Variants in ADAM7 observed in about 807,000 individuals in gnomAD.
ADAM7 encodes the protein disintegrin and metalloproteinase domain-containing protein 7.
Under a neutral mutation model 102.9 loss-of-function variants are expected in ADAM7, and 97 were observed. The observed-to-expected ratio is 0.94, with a 90% CI of 0.80 to 1.12. The LOEUF (loss-of-function observed/expected upper bound fraction) is 1.12. Among genes scored for constraint, ADAM7 ranks in the 50% most tolerant of loss-of-function variants. The pLI is 0.00. For synonymous variants in ADAM7, 334 were observed against 304.4 expected (o/e 1.10, Z -1.01); for missense variants, 991 against 908.7 (o/e 1.09, Z -1.16).
chr8:24,508,591 G>A lies in ADAM7; in HGVS notation c.*45G>A, dbSNP rs1278274553. On this transcript the variant is annotated 3_prime_UTR_variant, in exon 22 of 22. Transcript: ENST00000175238. Reference sequence around the variant, plus strand: ...AAATGGCCGTGCAAGCTTAGGCTGGGGATTCTGGATGCAACGTCTTTACAA... The same window carrying A: ...AAATGGCCGTGCAAGCTTAGGCTGGAGATTCTGGATGCAACGTCTTTACAA... 1 of 1,612,540 alleles carries A rather than the reference G, an allele frequency of 6.2e-7. No individual in the cohort carries two copies. The highest frequency in any genetic ancestry group is 8.5e-7 in the Non-Finnish European group (1 of 1,179,152).
chr8:24,463,512 C>T (rs781566165), intron 3 of ADAM7, among the ~76,000 whole-genome samples: 12 of 152,060 alleles, frequency 7.9e-5, no homozygotes, highest in East Asian at 1.9e-4. Context: ...AAGACGTACT[C>T]GCCACATATA....
chr8:24,463,686 A>G (rs889040775), intron 3 of ADAM7, among the ~76,000 whole-genome samples, 196 bp from the exon 4 acceptor site: 1 of 152,148 alleles, frequency 6.6e-6, no homozygotes, highest in African/African-American at 2.4e-5. Context: ...GCTTCTCTAC[A>G]GTCTTTATGA....
rs1055446736 is a variant in ADAM7, at chr8:24,476,334, G to A, written c.634-99G>A. ...AGTTCTCTTTCTTCATTAGGCCAAT[G>A]ATTTTTTTCTTTGTAATAGCTGATG... On this transcript the variant is annotated intron_variant, in intron 7 of 21. Transcript: ENST00000175238. The A allele has an allele frequency of 3.6e-5, 29 of 802,722 alleles. No homozygotes were observed. The African/African-American group carries it at 3.7e-4, about 10-fold the overall frequency. 49.7% of individuals were successfully genotyped at this position (802,722 alleles called of 1,614,324 possible). A position where few individuals can be genotyped will look rare whatever the true frequency, so the allele number is the denominator to read the frequency against.
chr8:24,447,155 T>TG, intron 2 of ADAM7, 31 bp from the exon 3 acceptor site: 1 of 1,340,392 alleles, frequency 7.5e-7, no homozygotes, highest in Non-Finnish European at 1.0e-6. Flanking sequence ...TGAGCCCATG[T>TG]TGAAGTCACG....
intron 7 of ADAM7, among the ~76,000 whole-genome samples, chr8:24,470,947 C>T (rs996203250): frequency 7.2e-5 from 11 of 151,876 alleles, no homozygotes; most frequent in African/African-American, 1.9e-4. Flanking sequence ...TCAGAGGAGG[C>T]GGCAGCTGTA....
rs370341466 is a variant in ADAM7, at chr8:24,447,271, T to C, written c.233+9T>C. 2.7e-6 allele frequency: 4 copies of C among 1,472,664 alleles called. No individual in the cohort carries two copies. The African/African-American group carries it at 5.7e-5, about 21-fold the overall frequency. 91.2% of individuals were successfully genotyped at this position (1,472,664 alleles called of 1,614,324 possible). A position where few individuals can be genotyped will look rare whatever the true frequency, so the allele number is the denominator to read the frequency against. On this transcript the variant is annotated intron_variant, in intron 3 of 21. Coordinates refer to ENST00000175238, the MANE Select transcript of ADAM7 (RefSeq NM_003817.4). Reference sequence around the variant, plus strand: ...CATCTTCTAAGATCCAGGTAAGTTCTATTGTGATTCCAGTACCTTATAGAT... The same window carrying C: ...CATCTTCTAAGATCCAGGTAAGTTCCATTGTGATTCCAGTACCTTATAGAT...
chr8:24,442,052 T>G (rs1026047896), intron 1 of ADAM7, among the ~76,000 whole-genome samples: 1 of 152,126 alleles, frequency 6.6e-6, no homozygotes, highest in Admixed American at 6.5e-5. Flanking sequence ...TGTGCACTTG[T>G]AATCCCAGCT....
chr8:24,454,453 G>A (rs570503531), intron 3 of ADAM7, among the ~76,000 whole-genome samples: 115 of 152,280 alleles, frequency 7.6e-4, no homozygotes, highest in African/African-American at 2.7e-3. Flanking sequence ...AAGACCCTCC[G>A]AGCCAGGTGC....
At position 24,495,420 on chromosome 8, in the gene ADAM7, A is replaced by G. The variant is rs916795560; in HGVS notation, c.1842+2191A>G. 6.6e-5 allele frequency among the ~76,000 whole-genome samples: 10 copies of G among 152,220 alleles called. No individual in the cohort carries two copies. The East Asian group carries it at 1.9e-3, about 29-fold the overall frequency. Reference sequence around the variant, plus strand: ...AATGAAAAAAATAGAAGGTCTCAGCAAAATAACAAACTTCCAGAAAAGACG... The same window carrying G: ...AATGAAAAAAATAGAAGGTCTCAGCGAAATAACAAACTTCCAGAAAAGACG... On this transcript the variant is annotated intron_variant, in intron 16 of 21. Coordinates refer to ENST00000175238, the MANE Select transcript of ADAM7 (RefSeq NM_003817.4).
chr8:24,465,565 G>A, intron 4 of ADAM7, 134 bp from the exon 5 acceptor site: 1 of 467,950 alleles, frequency 2.1e-6, no homozygotes, highest in Non-Finnish European at 3.5e-6. Context: ...TTTAATGAAT[G>A]AATGCAGAAC....
chr8:24,476,550 A>G (rs774185650), intron 8 of ADAM7, 46 bp downstream of exon 8: 1 of 1,478,848 alleles, frequency 6.8e-7, no homozygotes, highest in African/African-American at 1.4e-5. Context: ...ATACGAATGC[A>G]AAGAACCTTT....
rs1275275894 is a variant in ADAM7 at position 24,484,167 on chromosome 8, A to G, written c.876-1110A>G. Among the ~76,000 whole-genome samples the G allele has an allele frequency of 2.0e-5, 3 of 152,330 alleles. No homozygotes were observed. The East Asian group carries it at 5.8e-4, about 29-fold the overall frequency. ...AATACCCCCAGAGTTTAAAAAGACC[A>G]GAATTCTGTCTCTCCAAGAAGCATA... is the stretch of plus-strand genomic sequence containing the variant. On this transcript the variant is annotated intron_variant, in intron 9 of 21. Coordinates refer to ENST00000175238, the MANE Select transcript of ADAM7 (RefSeq NM_003817.4).
At chr8:24,458,124 G>A (rs1338086378) in intron 3 of ADAM7, among the ~76,000 whole-genome samples, 1 of 152,118 alleles carries the variant, frequency 6.6e-6, no homozygotes, top group African/African-American at 2.4e-5. Flanking sequence ...AAGGCACAAT[G>A]TGTAACTCTT....
chr8:24,453,821 G>A (rs1285487479), intron 3 of ADAM7, among the ~76,000 whole-genome samples: 1 of 152,154 alleles, frequency 6.6e-6, no homozygotes, highest in African/African-American at 2.4e-5. Context: ...ATGTACAGAT[G>A]GGTTTTTGGT....
chr8:24,475,406 C>T (rs780711692), intron 7 of ADAM7, among the ~76,000 whole-genome samples: 2 of 151,880 alleles, frequency 1.3e-5, no homozygotes, highest in Non-Finnish European at 2.9e-5. Flanking sequence ...TAGGAGTGTC[C>T]GGGGTAATAG....
In ADAM7 at chr8:24,499,241, C is replaced by A. The variant is rs1479018915; in HGVS notation, c.1848C>A (p.Cys616Ter). 1.3e-6 allele frequency: 2 copies of A among 1,590,680 alleles called. No individual in the cohort carries two copies. Among genetic ancestry groups the A allele is most frequent in the Admixed American group, 1.8e-5 (1 of 56,076 alleles). ...SGTKCGEGMV[C>*]NNGECLNMEK... is the part of the protein sequence containing the mutation. ...CTTGGTTACTTCATTTCTAGGTGTGCAACAATGGTGAATGTCTAAACATGG... is the reference window on the plus strand; with the variant it reads ...CTTGGTTACTTCATTTCTAGGTGTGAAACAATGGTGAATGTCTAAACATGG... The change falls in exon 17 of 22, where the codon TGC becomes TGA. Residue 616 changes from cysteine to a stop codon, truncating the protein, a stop_gained. Coordinates refer to ENST00000175238, the MANE Select transcript of ADAM7 (RefSeq NM_003817.4). LOFTEE classifies it high-confidence loss of function.
intron 3 of ADAM7, among the ~76,000 whole-genome samples, chr8:24,459,953 A>T (rs1010976121): frequency 1.3e-5 from 2 of 152,124 alleles, no homozygotes; most frequent in African/African-American, 2.4e-5. Context: ...TCATTTAGAT[A>T]CATCTCAAAA....
At chr8:24,445,760 T>C (rs138956275) in intron 2 of ADAM7, among the ~76,000 whole-genome samples, 1 of 152,214 alleles carries the variant, frequency 6.6e-6, no homozygotes, top group Non-Finnish European at 1.5e-5. Flanking sequence ...ACTTACTAGG[T>C]TGAACATGAT....
At chr8:24,452,279 G>C (rs1368005048) in intron 3 of ADAM7, among the ~76,000 whole-genome samples, 1 of 150,224 alleles carries the variant, frequency 6.7e-6, no homozygotes, top group South Asian at 2.2e-4. Flanking sequence ...TATTGTGTGG[G>C]AGTCTAAGTC....
Sources: allele counts gnomAD v4.1 joint callset (sites outside exome capture counted in the v4.1 genomes callset), GRCh38; gene constraint gnomAD v4.1.1; transcripts MANE v1.5; gene names NCBI Gene and HGNC (gene_info 2026-07-23, HGNC 2026-07-21).